OTUD7B: variants seen among roughly 807,000 people sequenced by gnomAD.
OTUD7B encodes the protein OTU domain-containing protein 7B.
A neutral mutation model predicts 82.2 loss-of-function variants in OTUD7B; 34 were observed. The ratio of observed to expected loss-of-function variants is 0.41; its 90% CI spans 0.31 to 0.55. The LOEUF is 0.55. OTUD7B is among the 20% of genes least tolerant of loss of function. OTUD7B has a pLI of 0.20. For missense variants in OTUD7B, 944 were observed against 1,062.1 expected, an observed-to-expected ratio of 0.89 and a Z score of 1.55; for synonymous variants, 398 against 402.7, an observed-to-expected ratio of 0.99 and a Z score of 0.14.
At chr1:150,058,499 C>T in the OTUD7B span, among the ~76,000 whole-genome samples, 84 of 152,134 alleles carry the variant, frequency 5.5e-4, no homozygotes, top group East Asian at 0.013. Flanking sequence ...GGGTGACAGG[C>T]TGTTTATTTT....
chr1:150,017,782 A>C, the OTUD7B span, among the ~76,000 whole-genome samples: 1 of 152,198 alleles, frequency 6.6e-6, no homozygotes, highest in African/African-American at 2.4e-5. Flanking sequence ...TGACACTGTC[A>C]TTAACTCCCC....
the OTUD7B span, among the ~76,000 whole-genome samples, chr1:150,042,122 C>G: frequency 1.8e-5 from 2 of 110,546 alleles, no homozygotes; most frequent in East Asian, 6.0e-4. Flanking sequence ...TCCCTCCCTC[C>G]CTCCCTCCCT....
At chr1:149,947,222 A>C in intron 11 of OTUD7B, 29 bp downstream of exon 11, 1 of 1,283,312 alleles carries the variant, frequency 7.8e-7, no homozygotes, top group Non-Finnish European at 1.1e-6. Context: ...ATGAAGACAC[A>C]CCAGGGTAGA....
chr1:149,974,446 AG>A (rs1366895110), intron 2 of OTUD7B, among the ~76,000 whole-genome samples: 4 of 151,532 alleles, frequency 2.6e-5, no homozygotes, highest in Non-Finnish European at 5.9e-5. Flanking sequence ...ATCCTTCACC[AG>A]TTTCCTAGTG....
chr1:149,988,544 G>T lies in OTUD7B; in HGVS notation c.-66-10968C>A, dbSNP rs188002327. On this transcript the variant is annotated intron_variant, in intron 1 of 11. Coordinates refer to ENST00000581312, the MANE Select transcript of OTUD7B (RefSeq NM_020205.4). ...ACTGATAAAGGCTCCTTAAATTACAGTTATTTGGGAAATTTAATAATTTGG... is the reference window on the plus strand; with the variant it reads ...ACTGATAAAGGCTCCTTAAATTACATTTATTTGGGAAATTTAATAATTTGG... Among the ~76,000 whole-genome samples the T allele has an allele frequency of 1.4e-4, 21 of 152,262 alleles. No homozygotes were observed. The East Asian group carries it at 3.5e-3, about 25-fold the overall frequency.
the OTUD7B span, among the ~76,000 whole-genome samples, chr1:150,039,386 A>T: frequency 1.3e-5 from 1 of 78,900 alleles, no homozygotes; most frequent in Non-Finnish European, 4.5e-5. Context: ...TTAAAAAAAA[A>T]ATTTTTTTTG....
intron 6 of OTUD7B, 101 bp downstream of exon 6, chr1:149,964,121 T>C (rs1649348610): frequency 1.2e-5 from 16 of 1,370,360 alleles, no homozygotes; most frequent in Non-Finnish European, 1.6e-5. Context: ...GGAGTCACAC[T>C]GACCTAAACA....
chr1:150,043,780 T>TTTA, the OTUD7B span, among the ~76,000 whole-genome samples: 1 of 152,296 alleles, frequency 6.6e-6, no homozygotes, highest in South Asian at 2.1e-4. Flanking sequence ...TAGTCAAGGA[T>TTTA]GTAGACACAT....
the OTUD7B span, chr1:150,067,507 G>A: frequency 4.6e-5 from 12 of 262,300 alleles, no homozygotes; most frequent in East Asian, 6.9e-4. Flanking sequence ...CTCATTTCGC[G>A]AGGCTCCACT....
chr1:149,946,762 G>GAAA (rs1647785117), intron 11 of OTUD7B, among the ~76,000 whole-genome samples: 2 of 131,106 alleles, frequency 1.5e-5, no homozygotes, highest in Admixed American at 8.2e-5. Flanking sequence ...AAAAAAAAAG[G>GAAA]ACAGGAAAGG....
At chr1:150,029,242 T>A in the OTUD7B span, among the ~76,000 whole-genome samples, 1 of 152,188 alleles carries the variant, frequency 6.6e-6, no homozygotes, top group African/African-American at 2.4e-5. Context: ...TTGTTATAAG[T>A]TTAATAGGAA....
intron 6 of OTUD7B, 100 bp downstream of exon 6, chr1:149,964,122 G>A: frequency 7.2e-7 from 1 of 1,384,590 alleles, no homozygotes; most frequent in East Asian, 2.3e-5. Flanking sequence ...GAGTCACACT[G>A]ACCTAAACAC....
At chr1:150,043,126 A>G in the OTUD7B span, among the ~76,000 whole-genome samples, 1 of 152,142 alleles carries the variant, frequency 6.6e-6, no homozygotes, top group Non-Finnish European at 1.5e-5. Context: ...ACTGAGCCCC[A>G]TCTCAGATCT....
At chr1:150,037,217 C>A in the OTUD7B span, among the ~76,000 whole-genome samples, 14 of 146,730 alleles carry the variant, frequency 9.5e-5, 1 homozygote, top group African/African-American at 2.5e-5. Context: ...GGAGAGATCA[C>A]AAAATGTTCA....
At chr1:150,051,698 T>C in the OTUD7B span, among the ~76,000 whole-genome samples, 1 of 152,144 alleles carries the variant, frequency 6.6e-6, no homozygotes, top group Non-Finnish European at 1.5e-5. Flanking sequence ...TTCAGATATC[T>C]GTAAAGGTCT....
At chr1:149,957,545 C>G (rs587648386) in intron 7 of OTUD7B, among the ~76,000 whole-genome samples, 2 of 152,300 alleles carry the variant, frequency 1.3e-5, no homozygotes, top group East Asian at 3.9e-4. Flanking sequence ...CTGGGAGAAC[C>G]ACTACTCTCT....
intron 1 of OTUD7B, among the ~76,000 whole-genome samples, chr1:150,000,997 A>C (rs1486303038): frequency 2.0e-5 from 3 of 152,036 alleles, no homozygotes; most frequent in Admixed American, 2.0e-4. Flanking sequence ...ATAAATAATA[A>C]ATAAATAAAT....
chr1:149,992,514 C>T (rs1651662437), intron 1 of OTUD7B, among the ~76,000 whole-genome samples: 1 of 112,122 alleles, frequency 8.9e-6, no homozygotes, highest in East Asian at 3.2e-4. Context: ...CTCACTCTGT[C>T]ACCCAGGCTG....
In OTUD7B at chr1:149,944,500, C is replaced by T. The variant is rs782033576; in HGVS notation, c.1889G>A (p.Arg630His). 13 of 1,613,982 alleles carry T rather than the reference C, an allele frequency of 8.1e-6. No homozygotes were observed. Among genetic ancestry groups the T allele is most frequent in the African/African-American group, 2.7e-5 (2 of 74,884 alleles). The change falls in exon 12 of 12, where the codon CGC (arginine) becomes CAC (histidine). Residue 630 changes from arginine to histidine, a missense_variant. By Grantham distance (29) the Arg-to-His change is conservative (BLOSUM62 0). Coordinates refer to ENST00000581312, the MANE Select transcript of OTUD7B (RefSeq NM_020205.4). ...TCTCTCCTCAGCATCAGAAAGGTAGCGCTGGATCATTTCCTCCTGATACTG... is the reference window on the plus strand; with the variant it reads ...TCTCTCCTCAGCATCAGAAAGGTAGTGCTGGATCATTTCCTCCTGATACTG... ...RHQYQEEMIQRYLSDAEERFL... is the reference protein window; with the variant it reads ...RHQYQEEMIQHYLSDAEERFL...
Sources: gnomAD v4.1 joint callset for allele counts (sites outside exome capture counted in the v4.1 genomes callset) on GRCh38, gnomAD v4.1.1 for gene constraint, MANE v1.5 for transcripts, NCBI Gene and HGNC (gene_info 2026-07-23, HGNC 2026-07-21) for gene names.